Variants in SLC8A1 observed in about 807,000 individuals in gnomAD.
The protein encoded by SLC8A1 is solute carrier family 8 member A1.
In SLC8A1, 18 loss-of-function variants were observed where a neutral mutation model predicts 68.3. The ratio of observed to expected loss-of-function variants is 0.26; its 90% confidence interval spans 0.18 to 0.39. SLC8A1 has a LOEUF of 0.39. Among genes scored for constraint, SLC8A1 ranks in the 10% least tolerant of loss-of-function variants. SLC8A1 has a pLI of 1.00. For synonymous variants in SLC8A1, 475 were observed against 415.5 expected, an observed-to-expected ratio of 1.14 and a Z score of -1.74; for missense variants, 985 against 1,156.7, an observed-to-expected ratio of 0.85 and a Z score of 2.15.
At chr2:40,118,769 G>C (rs2125091293) in intron 7 of SLC8A1, among the ~76,000 whole-genome samples, 1 of 152,068 alleles carries the variant, frequency 6.6e-6, no homozygotes, top group African/African-American at 2.4e-5. Context: ...GCACTGGCTG[G>C]TGGTGAACAG....
upstream of SLC8A1, among the ~76,000 whole-genome samples, chr2:40,455,658 A>G (rs1360657728): frequency 6.6e-6 from 1 of 152,218 alleles, no homozygotes; most frequent in Non-Finnish European, 1.5e-5. Flanking sequence ...TTTGTTCTTT[A>G]GGTTTTCTTT....
chr2:40,485,617 G>T (rs565655733), intron 1 of SLC8A1, among the ~76,000 whole-genome samples: 3 of 152,062 alleles, frequency 2.0e-5, no homozygotes, highest in Admixed American at 1.3e-4. Context: ...TGGTCATTTT[G>T]CTCTGATTTC....
At chr2:40,163,765 T>C (rs2046081882) in intron 5 of SLC8A1, among the ~76,000 whole-genome samples, 2 of 152,224 alleles carry the variant, frequency 1.3e-5, no homozygotes, top group Admixed American at 1.3e-4. Flanking sequence ...AAAGATTAAT[T>C]GCATTTTTAT....
chr2:40,212,333 G>A (rs2056765856), intron 2 of SLC8A1, among the ~76,000 whole-genome samples: 1 of 133,666 alleles, frequency 7.5e-6, no homozygotes, highest in Non-Finnish European at 1.6e-5. Context: ...TCGACAGGCT[G>A]GAATGCAGTG....
At position 40,435,942 on chromosome 2, in the gene SLC8A1, ATT is replaced by A. The variant is rs59783278; in HGVS notation, c.-24-5640_-24-5639del. Among the ~76,000 whole-genome samples, 1,062 of 125,370 alleles carry A rather than the reference ATT, an allele frequency of 8.5e-3. 11 individuals carry two copies. Among genetic ancestry groups the A allele is most frequent in the African/African-American group, 0.029 (991 of 34,460 alleles). 82.2% of individuals were successfully genotyped at this position (125,370 alleles called of 152,430 possible). On this transcript the variant is annotated intron_variant, in intron 1 of 7. Coordinates refer to ENST00000406785, the Ensembl canonical transcript of SLC8A1. ...AGGTGCCTGCCAACCATGCTCGGCTATTTTTTTTTTTTTTTTTGTATTTTTAG... is the reference window on the plus strand; with the variant it reads ...AGGTGCCTGCCAACCATGCTCGGCTATTTTTTTTTTTTTTTGTATTTTTAG...
intron 1 of SLC8A1, among the ~76,000 whole-genome samples, chr2:40,470,160 T>C (rs912479754): frequency 5.9e-5 from 9 of 152,162 alleles, no homozygotes; most frequent in African/African-American, 2.2e-4. Flanking sequence ...TTTTAATGTA[T>C]CTTTTTCCCT....
chr2:40,371,678 A>G (rs1440779510), intron 2 of SLC8A1, among the ~76,000 whole-genome samples: 2 of 152,154 alleles, frequency 1.3e-5, no homozygotes, highest in Non-Finnish European at 2.9e-5. Flanking sequence ...ACAGAGACAC[A>G]TATGTTTAAA....
chr2:40,416,552 C>G (rs1693949671), intron 2 of SLC8A1, among the ~76,000 whole-genome samples: 2 of 152,044 alleles, frequency 1.3e-5, no homozygotes, highest in African/African-American at 4.8e-5. Context: ...TCTCTTAGGA[C>G]AGCAAACATT....
intron 2 of SLC8A1, among the ~76,000 whole-genome samples, chr2:40,341,087 T>A (rs1667548215): frequency 6.6e-6 from 1 of 152,118 alleles, no homozygotes. Context: ...AGGGGTTTTG[T>A]TTCCCAACCA....
upstream of SLC8A1, chr2:40,452,079 G>C (rs1358150905): frequency 9.3e-5 from 14 of 150,208 alleles, no homozygotes; most frequent in African/African-American, 2.9e-4. Flanking sequence ...CGGCGCGAGC[G>C]GGAGCCGCGG....
At chr2:40,205,837 A>C (rs1470606576) in intron 2 of SLC8A1, among the ~76,000 whole-genome samples, 1 of 151,906 alleles carries the variant, frequency 6.6e-6, no homozygotes, top group Non-Finnish European at 1.5e-5. Context: ...AAAAAAGAAA[A>C]AGTCTTCTCC....
At chr2:40,115,039 T>C (rs2035065578) in exon 8 of SLC8A1, 1 of 297,336 alleles carries the variant, frequency 3.4e-6, no homozygotes, top group African/African-American at 2.2e-5. Flanking sequence ...GCTGCAAAGA[T>C]GGCCCTGCCT....
intron 2 of SLC8A1, among the ~76,000 whole-genome samples, chr2:40,390,086 G>A (rs1477236009): frequency 1.3e-5 from 2 of 151,754 alleles, no homozygotes; most frequent in African/African-American, 4.8e-5. Context: ...GTATTATTAG[G>A]CAATTGTAAT....
chr2:40,307,071 A>G (rs2072766385), intron 2 of SLC8A1, among the ~76,000 whole-genome samples: 1 of 152,218 alleles, frequency 6.6e-6, no homozygotes, highest in East Asian at 1.9e-4. Flanking sequence ...AGCACTGTCC[A>G]CAATAGCCAA....
At chr2:40,422,292 T>C (rs1368975080) in intron 2 of SLC8A1, among the ~76,000 whole-genome samples, 3 of 152,172 alleles carry the variant, frequency 2.0e-5, no homozygotes, top group Non-Finnish European at 2.9e-5. Flanking sequence ...AATGGTCAGA[T>C]TTCAGCCATG....
chr2:40,316,529 C>A (rs571218706), intron 2 of SLC8A1, among the ~76,000 whole-genome samples: 1 of 152,020 alleles, frequency 6.6e-6, no homozygotes, highest in South Asian at 2.1e-4. Context: ...AACATGTGTT[C>A]TTTGTTTAAG....
chr2:40,444,975 C>T (rs2149844245), intron 1 of SLC8A1, among the ~76,000 whole-genome samples: 1 of 152,294 alleles, frequency 6.6e-6, no homozygotes, highest in African/African-American at 2.4e-5. Context: ...TTCACCACAC[C>T]AATCAGTGTA....
At chr2:40,152,270 A>C (rs1429445963) in intron 6 of SLC8A1, among the ~76,000 whole-genome samples, 2 of 152,206 alleles carry the variant, frequency 1.3e-5, no homozygotes, top group Non-Finnish European at 2.9e-5. Context: ...GGTGCAGCAA[A>C]CAACCTTCCA....
At chr2:40,156,131 G>A (rs1022191639) in intron 6 of SLC8A1, among the ~76,000 whole-genome samples, 3 of 152,168 alleles carry the variant, frequency 2.0e-5, no homozygotes, top group African/African-American at 7.2e-5. Flanking sequence ...GGCAAGATAT[G>A]CTTTTCCATT....
Sources: allele counts gnomAD v4.1 joint callset (sites outside exome capture counted in the v4.1 genomes callset), GRCh38; gene constraint gnomAD v4.1.1; transcripts MANE v1.5; gene names NCBI Gene and HGNC (gene_info 2026-07-23, HGNC 2026-07-21).